ALDH1L2: variants seen among roughly 807,000 people sequenced by gnomAD.
ALDH1L2 encodes aldehyde dehydrogenase 1 family member L2, also known as mitochondrial 10-formyltetrahydrofolate dehydrogenase.
A neutral mutation model predicts 111.0 loss-of-function variants in ALDH1L2; 91 were observed. The observed-to-expected ratio is 0.82, with a 90% CI of 0.69 to 0.98. The LOEUF is 0.98. Ranked by LOEUF, ALDH1L2 falls within the 50% of genes least tolerant of loss-of-function variation. The probability of loss-of-function intolerance (pLI) is 0.00; values close to 1 mark genes in which losing one functional copy is unlikely to be tolerated. For synonymous variants in ALDH1L2, 374 were observed against 392.6 expected (o/e 0.95, Z 0.56); for missense variants, 995 against 1,126.8 (o/e 0.88, Z 1.67).
rs7301851 is a variant in ALDH1L2, at chr12:105,073,465, A to G, written c.193+396T>C. Reference sequence around the variant, plus strand: ...AGGAAGAGTTCATTTCCCAGGATTCATTCTGAAAGGAGGTCTAAAAGTCAT... The same window carrying G: ...AGGAAGAGTTCATTTCCCAGGATTCGTTCTGAAAGGAGGTCTAAAAGTCAT... On this transcript the variant is annotated intron_variant, in intron 2 of 22. Transcript: ENST00000258494. Among the ~76,000 whole-genome samples, 1,485 of 152,326 alleles carry G rather than the reference A, an allele frequency of 9.7e-3. 26 individuals carry two copies. The highest frequency in any genetic ancestry group is 0.034 in the African/African-American group (1,428 of 41,560).
intron 1 of ALDH1L2, among the ~76,000 whole-genome samples, chr12:105,084,034 T>C (rs11612557): frequency 6.6e-6 from 1 of 151,992 alleles, no homozygotes; most frequent in Non-Finnish European, 1.5e-5. Context: ...TGACCAGGGA[T>C]CTCATGATTG....
intron 10 of ALDH1L2, among the ~76,000 whole-genome samples, chr12:105,057,076 G>A (rs1876675105): frequency 6.6e-6 from 1 of 151,506 alleles, no homozygotes; most frequent in Admixed American, 6.6e-5. Flanking sequence ...AAAAAGACAA[G>A]CCAGTTTTAA....
intron 20 of ALDH1L2, among the ~76,000 whole-genome samples, chr12:105,031,248 A>G (rs1874681053): frequency 6.6e-6 from 1 of 152,178 alleles, no homozygotes; most frequent in East Asian, 1.9e-4. Flanking sequence ...ATCCATTTTC[A>G]TTAACTATTT....
chr12:105,032,838 A>G (rs1874781953), intron 19 of ALDH1L2, among the ~76,000 whole-genome samples: 1 of 152,202 alleles, frequency 6.6e-6, no homozygotes, highest in Admixed American at 6.5e-5. Flanking sequence ...TCACATTGTT[A>G]TCTTTTTTTT....
rs1874434632 is a variant in ALDH1L2, at chr12:105,026,756, G to C, written c.2517-12C>G. 1 of 1,612,442 alleles carries C rather than the reference G, an allele frequency of 6.2e-7. No homozygotes were observed. Among genetic ancestry groups the C allele is most frequent in the Non-Finnish European group, 8.5e-7 (1 of 1,179,596 alleles). On this transcript the variant is annotated splice_polypyrimidine_tract_variant and intron_variant, in intron 21 of 22. Transcript: ENST00000258494. ...CTCCATCGATGTCCCTGTGTTTTTA[G>C]GAAGACATAAAACTTCATTAAATGT...
intron 3 of ALDH1L2, among the ~76,000 whole-genome samples, chr12:105,069,340 TATTA>T (rs1282814796): frequency 1.3e-5 from 2 of 152,198 alleles, no homozygotes; most frequent in Non-Finnish European, 2.9e-5. Context: ...CAGAGCTGAT[TATTA>T]ATTCAAGCTA....
intron 4 of ALDH1L2, among the ~76,000 whole-genome samples, chr12:105,067,418 T>A (rs1258718943): frequency 6.6e-6 from 1 of 152,088 alleles, no homozygotes. Context: ...ATGATAGGAA[T>A]ATAATGATAA....
At chr12:105,034,167 G>T in intron 19 of ALDH1L2, 133 bp downstream of exon 19, 1 of 770,572 alleles carries the variant, frequency 1.3e-6, no homozygotes, top group African/African-American at 1.8e-5. Flanking sequence ...AAAAACTAGG[G>T]ACTGATTTTT....
chr12:105,043,911 T>C (rs1420229418), intron 15 of ALDH1L2, among the ~76,000 whole-genome samples: 1 of 152,202 alleles, frequency 6.6e-6, no homozygotes, highest in Non-Finnish European at 1.5e-5. Flanking sequence ...CTTTCTTTTG[T>C]ATGAAGCCAG....
intron 1 of ALDH1L2, among the ~76,000 whole-genome samples, chr12:105,078,563 G>C (rs555977344): frequency 6.6e-6 from 1 of 152,316 alleles, no homozygotes; most frequent in East Asian, 1.9e-4. Flanking sequence ...CTTTACCCTA[G>C]ACATGGTCTT....
intron 1 of ALDH1L2, among the ~76,000 whole-genome samples, chr12:105,075,825 A>AC (rs1475289567): frequency 1.3e-5 from 2 of 152,040 alleles, no homozygotes; most frequent in African/African-American, 2.4e-5. Context: ...CTCCATGGTC[A>AC]CCCAGGCTGG....
intron 9 of ALDH1L2, 101 bp from the exon 10 acceptor site, chr12:105,058,321 T>G: frequency 8.3e-7 from 1 of 1,209,758 alleles, no homozygotes; most frequent in Non-Finnish European, 1.1e-6. Flanking sequence ...AAGACTTACA[T>G]CACATGCCTA....
chr12:105,031,741 C>T (rs369740621), intron 20 of ALDH1L2, 28 bp downstream of exon 20: 36 of 1,604,366 alleles, frequency 2.2e-5, no homozygotes, highest in African/African-American at 2.0e-4. Flanking sequence ...GGCGGGCACC[C>T]GGTAAACCCC....
intron 9 of ALDH1L2, among the ~76,000 whole-genome samples, chr12:105,060,201 G>A (rs944304446): frequency 2.0e-5 from 3 of 150,906 alleles, no homozygotes; most frequent in Non-Finnish European, 4.4e-5. Flanking sequence ...AAGATTTGGG[G>A]GAAAGCATAA....
At chr12:105,049,029 CAAAA>C (rs1592782327) in intron 13 of ALDH1L2, among the ~76,000 whole-genome samples, 2 of 144,532 alleles carry the variant, frequency 1.4e-5, no homozygotes, top group Non-Finnish European at 3.1e-5. Flanking sequence ...GACTCCATCT[CAAAA>C]GAAAGAAAAA....
intron 6 of ALDH1L2, among the ~76,000 whole-genome samples, chr12:105,063,553 A>G (rs1366005270): frequency 6.6e-6 from 1 of 152,204 alleles, no homozygotes; most frequent in Non-Finnish European, 1.5e-5. Context: ...TGGAGAGTCC[A>G]AAATGCCCCA....
At chr12:105,032,143 G>T (rs2136049334) in intron 19 of ALDH1L2, among the ~76,000 whole-genome samples, 1 of 149,200 alleles carries the variant, frequency 6.7e-6, no homozygotes, top group African/African-American at 2.5e-5. Flanking sequence ...GATCACAGTG[G>T]CATGGCATGG....
intron 13 of ALDH1L2, 91 bp downstream of exon 13, chr12:105,049,817 C>T: frequency 7.1e-7 from 1 of 1,399,960 alleles, no homozygotes; most frequent in Non-Finnish European, 9.5e-7. Flanking sequence ...GTAAAAAAAT[C>T]TACATAAAAA....
intron 8 of ALDH1L2, 104 bp downstream of exon 8, chr12:105,061,523 G>A: frequency 6.8e-7 from 1 of 1,478,138 alleles, no homozygotes; most frequent in Non-Finnish European, 9.2e-7. Flanking sequence ...AAAAAAAGAG[G>A]AAATAAAGTT....
Sources: gnomAD v4.1 joint callset for allele counts (sites outside exome capture counted in the v4.1 genomes callset) on GRCh38, gnomAD v4.1.1 for gene constraint, MANE v1.5 for transcripts, NCBI Gene and HGNC (gene_info 2026-07-23, HGNC 2026-07-21) for gene names.